The following CBFA2T3 variants were observed in gnomAD, a reference collection of about 807,000 sequenced individuals.
The protein encoded by CBFA2T3 is transcriptional corepressor CBFA2T3.
In CBFA2T3, 31 loss-of-function variants were observed where a neutral mutation model predicts 58.6. The observed-to-expected ratio is 0.53, with a 90% CI of 0.40 to 0.71. CBFA2T3 has a LOEUF of 0.71. Ranked by LOEUF, CBFA2T3 falls within the 30% of genes least tolerant of loss-of-function variation. The probability of loss-of-function intolerance (pLI) is 0.00; values close to 1 mark genes in which losing one functional copy is unlikely to be tolerated. For missense variants in CBFA2T3, 1,076 were observed against 963.1 expected, an observed-to-expected ratio of 1.12 and a Z score of -1.55; for synonymous variants, 531 against 421.9, an observed-to-expected ratio of 1.26 and a Z score of -3.17.
intron 2 of CBFA2T3, among the ~76,000 whole-genome samples, chr16:88,900,365 T>C (rs7191544): frequency 6.6e-6 from 1 of 152,350 alleles, no homozygotes; most frequent in East Asian, 1.9e-4. Flanking sequence ...GCACAGCCAG[T>C]GCTCTCTCCA....
intron 1 of CBFA2T3, among the ~76,000 whole-genome samples, chr16:88,916,383 G>A (rs1052834685): frequency 6.7e-6 from 1 of 149,458 alleles, no homozygotes; most frequent in East Asian, 2.0e-4. Context: ...CATACATGGG[G>A]GTGTATGTAT....
chr16:88,903,871 C>T lies in CBFA2T3; in HGVS notation c.152-2215G>A. Among the ~76,000 whole-genome samples the T allele has an allele frequency of 2.0e-5, 3 of 152,350 alleles. No homozygotes were observed. The South Asian group carries it at 6.2e-4, about 32-fold the overall frequency. On this transcript the variant is annotated intron_variant, in intron 1 of 11. Coordinates refer to ENST00000268679, the MANE Select transcript of CBFA2T3 (RefSeq NM_005187.6). ...TGCCCCCTGTTTGGACTTTCCAAAG[C>T]CCTCCCATGGAGGCGGCTACATTTG... is the stretch of plus-strand genomic sequence containing the variant.
chr16:88,967,825 G>T (rs1972552887), intron 1 of CBFA2T3, among the ~76,000 whole-genome samples: 1 of 152,206 alleles, frequency 6.6e-6, no homozygotes, highest in Non-Finnish European at 1.5e-5. Flanking sequence ...GGGGAACTCA[G>T]GACGCCCCCT....
intron 1 of CBFA2T3, among the ~76,000 whole-genome samples, chr16:88,909,456 G>A (rs565151620): frequency 3.3e-5 from 5 of 152,322 alleles, no homozygotes; most frequent in African/African-American, 7.2e-5. Flanking sequence ...CGGCTGGGAC[G>A]GAGGACACCA....
At chr16:88,895,803 C>CG (rs1329179836) in intron 3 of CBFA2T3, among the ~76,000 whole-genome samples, 1 of 152,148 alleles carries the variant, frequency 6.6e-6, no homozygotes, top group African/African-American at 2.4e-5. Flanking sequence ...GCCCTGCCCT[C>CG]GAGGGCTGGG....
intron 1 of CBFA2T3, among the ~76,000 whole-genome samples, chr16:88,948,333 C>G (rs62045798): frequency 2.0e-5 from 3 of 152,248 alleles, no homozygotes; most frequent in African/African-American, 7.2e-5. Flanking sequence ...GGGCAAGGCA[C>G]CAGGCTGGCC....
At position 88,901,728 on chromosome 16, in the gene CBFA2T3, G is replaced by A. The variant is rs528887015; in HGVS notation, c.152-72C>T. ...AAAGGCCAGGGCCCGCAGCCCCACG[G>A]TTCCCAGCGAAGGCCCCACTGAGTG... On this transcript the variant is annotated intron_variant, in intron 1 of 11. Transcript: ENST00000268679. 6.4e-4 allele frequency: 881 copies of A among 1,384,642 alleles called. 9 individuals are homozygous for A. In the East Asian group the frequency reaches 0.019, roughly 30 times the overall value. 85.8% of individuals were successfully genotyped at this position (1,384,642 alleles called of 1,614,324 possible). A position where few individuals can be genotyped will look rare whatever the true frequency, so the allele number is the denominator to read the frequency against.
chr16:88,934,846 TCTC>T (rs1205638851), intron 1 of CBFA2T3, among the ~76,000 whole-genome samples: 9 of 152,240 alleles, frequency 5.9e-5, no homozygotes, highest in African/African-American at 1.9e-4. Context: ...TTCACGCTAT[TCTC>T]CTGCCTCAGC....
rs1972298540 is a variant in CBFA2T3, at chr16:88,959,000, G to A, written c.151+17657C>T. 6.6e-6 allele frequency among the ~76,000 whole-genome samples: 1 copy of A among 152,148 alleles called. No homozygotes were observed. Among genetic ancestry groups the A allele is most frequent in the Non-Finnish European group, 1.5e-5 (1 of 68,012 alleles). ...CTGTCAGCTGCTCATTCACCTAATA[G>A]ACAAGTGCTGTGTGCCCGGGCTGTG... On this transcript the variant is annotated intron_variant, in intron 1 of 11. Coordinates refer to ENST00000268679, the MANE Select transcript of CBFA2T3 (RefSeq NM_005187.6). The surrounding 1 kb of genome is among the most constrained non-coding windows in gnomAD (Gnocchi z 4.0).
At chr16:88,912,522 C>T (rs1046365460) in intron 1 of CBFA2T3, among the ~76,000 whole-genome samples, 1 of 152,216 alleles carries the variant, frequency 6.6e-6, no homozygotes, top group South Asian at 2.1e-4. Flanking sequence ...TCAGAGAAGC[C>T]TTCCCTGACC....
chr16:88,963,112 T>G (rs1972408694), intron 1 of CBFA2T3, among the ~76,000 whole-genome samples: 1 of 152,018 alleles, frequency 6.6e-6, no homozygotes, highest in Middle Eastern at 3.2e-3. Context: ...TGGGGGTGCT[T>G]CTTCAAATCT....
intron 2 of CBFA2T3, among the ~76,000 whole-genome samples, chr16:88,901,186 C>T (rs1006036662): frequency 2.6e-5 from 4 of 152,270 alleles, no homozygotes; most frequent in Non-Finnish European, 5.9e-5. Context: ...CAGCGGCCGG[C>T]TTTGACCCAT....
chr16:88,875,016 C>A lies in CBFA2T3; in HGVS notation c.*1960G>T, dbSNP rs977049538. On this transcript the variant is annotated 3_prime_UTR_variant, in exon 12 of 12. Coordinates refer to ENST00000268679, the MANE Select transcript of CBFA2T3 (RefSeq NM_005187.6). ...GCTGGTTCAGTAGCTGGGTCACTCC[C>A]GTATTGCACTGAGTTCCTAGAACTC... 4.3e-6 allele frequency: 1 copy of A among 234,120 alleles called. No individual in the cohort carries two copies. Among genetic ancestry groups the A allele is most frequent in the Non-Finnish European group, 8.5e-6 (1 of 118,330 alleles). The allele number at this position is 234,120 out of a possible 1,614,324, so 14.5% of individuals were successfully genotyped here.
chr16:88,894,657 T>C (rs558391879), intron 3 of CBFA2T3, among the ~76,000 whole-genome samples: 1 of 152,362 alleles, frequency 6.6e-6, no homozygotes, highest in South Asian at 2.1e-4. Context: ...CTCGTCTCTC[T>C]TGCTCCACTG....
intron 5 of CBFA2T3, among the ~76,000 whole-genome samples, chr16:88,891,566 C>T (rs377640442): frequency 2.6e-5 from 4 of 152,190 alleles, no homozygotes; most frequent in South Asian, 2.1e-4. Context: ...CGAGCACATT[C>T]GGCCAACGGC....
intron 1 of CBFA2T3, among the ~76,000 whole-genome samples, chr16:88,906,572 GC>G (rs1430958639): frequency 6.6e-6 from 1 of 152,226 alleles, no homozygotes; most frequent in Non-Finnish European, 1.5e-5. Flanking sequence ...AACCCCGGGG[GC>G]TCAGCAGCGC....
At chr16:88,886,921 C>T (rs767772987) in intron 5 of CBFA2T3, 5 of 152,404 alleles carry the variant, frequency 3.3e-5, no homozygotes, top group South Asian at 2.1e-4. Context: ...TGTGTGTACC[C>T]GCGGCGCCCG....
At chr16:88,906,679 C>T (rs1456684708) in intron 1 of CBFA2T3, among the ~76,000 whole-genome samples, 1 of 152,240 alleles carries the variant, frequency 6.6e-6, no homozygotes, top group Non-Finnish European at 1.5e-5. Context: ...CTATTCTCAG[C>T]ACCGTCTACC....
intron 1 of CBFA2T3, chr16:88,941,887 G>A (rs996161502): frequency 6.7e-5 from 10 of 148,826 alleles, no homozygotes; most frequent in African/African-American, 2.0e-4. Flanking sequence ...TGGGGAGTTG[G>A]GGGGGAGGTC....
Sources: allele counts gnomAD v4.1 joint callset (sites outside exome capture counted in the v4.1 genomes callset), GRCh38; gene constraint gnomAD v4.1.1; non-coding constraint Gnocchi (gnomAD v3.1); transcripts MANE v1.5; gene names NCBI Gene and HGNC (gene_info 2026-07-23, HGNC 2026-07-21).